The following WNK1 variants were observed in gnomAD, a reference collection of about 807,000 sequenced individuals.
WNK1 encodes serine/threonine-protein kinase WNK1.
In WNK1, 38 loss-of-function variants were observed where a neutral mutation model predicts 222.8. The observed-to-expected ratio is 0.17, with a 90% CI of 0.13 to 0.22. The LOEUF (loss-of-function observed/expected upper bound fraction) is 0.22, where lower values mean the gene tolerates loss of function less well. WNK1 is among the 10% of genes least tolerant of loss of function. The pLI is 1.00. For missense variants in WNK1, 2,348 were observed against 2,918.4 expected (o/e 0.80, Z 4.50); for synonymous variants, 1,090 against 1,092.9 (o/e 1.00, Z 0.05).
chr12:815,576 C>T (rs899666110), intron 2 of WNK1, among the ~76,000 whole-genome samples: 2 of 152,190 alleles, frequency 1.3e-5, no homozygotes, highest in Non-Finnish European at 2.9e-5. Context: ...CTAACTAGCA[C>T]TATATACCTA....
chr12:908,287 C>T lies in WNK1; in HGVS notation c.6832-188C>T, dbSNP rs368128250. 62 of 758,696 alleles carry T rather than the reference C, an allele frequency of 8.2e-5. 1 individual carries two copies. Among genetic ancestry groups the T allele is most frequent in the Middle Eastern group, 6.8e-4 (2 of 2,948 alleles). 47.0% of individuals were successfully genotyped at this position (758,696 alleles called of 1,614,324 possible). ...TCAACTACACACACACAGACACACA[C>T]GCACATGACATCCCTCCCTCTCATG... is the stretch of plus-strand genomic sequence containing the variant. On this transcript the variant is annotated intron_variant, in intron 27 of 27. Coordinates refer to ENST00000315939, the MANE Select transcript of WNK1 (RefSeq NM_018979.4).
intron 1 of WNK1, among the ~76,000 whole-genome samples, chr12:783,524 A>G (rs1045770053): frequency 7.0e-6 from 1 of 143,748 alleles, no homozygotes; most frequent in African/African-American, 2.6e-5. Flanking sequence ...ATCCAGGCAC[A>G]GTGGCATGTG....
rs1236623490 is a variant in WNK1 at position 900,817 on chromosome 12, A to C, written c.6643+147A>C. 4 of 994,524 alleles carry C rather than the reference A, an allele frequency of 4.0e-6. No homozygotes were observed. The African/African-American group carries it at 6.4e-5, about 16-fold the overall frequency. 61.6% of individuals were successfully genotyped at this position (994,524 alleles called of 1,614,324 possible). A position where few individuals can be genotyped will look rare whatever the true frequency, so the allele number is the denominator to read the frequency against. The stretch of plus-strand genomic sequence containing the variant: ...ACTGAAGAATCTGGGTGAAAAGGGA[A>C]GTGGAGTGATAATGAGAATCGGTGG... On this transcript the variant is annotated intron_variant, in intron 26 of 27. Coordinates refer to ENST00000315939, the MANE Select transcript of WNK1 (RefSeq NM_018979.4).
In WNK1 at chr12:827,279, C is replaced by G; in HGVS notation, c.1153+17C>G. 1 of 1,602,112 alleles carries G rather than the reference C, an allele frequency of 6.2e-7. No homozygotes were observed. Among genetic ancestry groups the G allele is most frequent in the Non-Finnish European group, 8.6e-7 (1 of 1,169,178 alleles). ...GTGTGATAGGTATGTTTCAGGTGTA[C>G]CTTGGAGCCTGACTGGCTTTCTCAC... On this transcript the variant is annotated intron_variant, in intron 3 of 27. Transcript: ENST00000315939. This position sits in a 1 kb window ranked among gnomAD's most constrained non-coding sequence, Gnocchi z 4.6.
intron 4 of WNK1, among the ~76,000 whole-genome samples, chr12:849,660 G>A (rs1363809754): frequency 6.6e-6 from 1 of 152,014 alleles, no homozygotes; most frequent in Non-Finnish European, 1.5e-5. Context: ...TTGGTGTGCT[G>A]CACCCATTAA....
At chr12:835,586 T>A (rs1949117318) in intron 4 of WNK1, among the ~76,000 whole-genome samples, 1 of 152,110 alleles carries the variant, frequency 6.6e-6, no homozygotes, top group South Asian at 2.1e-4. Context: ...ATTGGGGATA[T>A]ACCAAGTCAA....
In WNK1 at chr12:896,350, G is replaced by A; in HGVS notation, c.5863G>A (p.Val1955Met). Residue 1955 changes from valine (V) to methionine (M), a missense_variant, in exon 24 of 28, where the codon GTG (valine) becomes ATG (methionine). Around this residue, in one of 13 missense-constraint regions of WNK1, gnomAD observed 1,144 missense variants for 1,273.6 expected, o/e 0.90. Coordinates refer to ENST00000315939, the MANE Select transcript of WNK1 (RefSeq NM_018979.4). ...TCAGGTGACAACTACAGCAAACAAA[G>A]TGGGTCGTTTCTCTGTATCAAAAAC... ...RFQVTTTANK[V>M]GRFSVSKTED... 6.2e-7 allele frequency: 1 copy of A among 1,614,180 alleles called. No individual in the cohort carries two copies. Among genetic ancestry groups the A allele is most frequent in the Non-Finnish European group, 8.5e-7 (1 of 1,180,030 alleles).
chr12:896,401 A>C lies in WNK1; in HGVS notation c.5914A>C (p.Lys1972Gln), dbSNP rs1592227149. The change falls in exon 24 of 28, where the codon AAA becomes CAA. Residue 1972 changes from lysine (K) to glutamine (Q), a missense_variant. Physicochemically the swap from Lys to Gln is moderately conservative, Grantham distance 53. Coordinates refer to ENST00000315939, the MANE Select transcript of WNK1 (RefSeq NM_018979.4). ...TGAGGACAAGATCACTGACACAAAG[A>C]AAGAAGGACCAGTGGCATCTCCTCC... Reference protein sequence around the residue: ...KTEDKITDTKKEGPVASPPFM... With the variant: ...KTEDKITDTKQEGPVASPPFM... 1 of 1,614,200 alleles carries C rather than the reference A, an allele frequency of 6.2e-7. No individual in the cohort carries two copies. Among genetic ancestry groups the C allele is most frequent in the Non-Finnish European group, 8.5e-7 (1 of 1,180,040 alleles).
At chr12:908,169 T>A in intron 27 of WNK1, 135 bp downstream of exon 27, 1 of 1,158,424 alleles carries the variant, frequency 8.6e-7, no homozygotes, top group East Asian at 2.6e-5. Context: ...AAGGCAAAAA[T>A]CCCCCAGGTA....
Position 868,300 on chromosome 12 carries a change from G to C in WNK1, c.2140-2965G>C, listed in dbSNP as rs754731225. 7.5e-6 allele frequency: 12 copies of C among 1,609,114 alleles called. No homozygotes were observed. In the East Asian group the frequency reaches 2.7e-4, roughly 36 times the overall value. On this transcript the variant is annotated intron_variant, in intron 8 of 27. Coordinates refer to ENST00000315939, the MANE Select transcript of WNK1 (RefSeq NM_018979.4). ...TGTATGTAGCTGGGGTACATTACCA[G>C]GCCCGGGTGGCAGAACAGTATGAGG... is the stretch of plus-strand genomic sequence containing the variant.
intron 4 of WNK1, among the ~76,000 whole-genome samples, chr12:848,869 A>G (rs544718787): frequency 1.1e-4 from 16 of 152,144 alleles, no homozygotes; most frequent in Non-Finnish European, 1.8e-4. Flanking sequence ...TAGAATCTAG[A>G]TATTTGTGCC....
intron 9 of WNK1, among the ~76,000 whole-genome samples, chr12:873,693 A>G (rs1467034594): frequency 6.6e-6 from 1 of 152,116 alleles, no homozygotes; most frequent in East Asian, 1.9e-4. Context: ...TGTTTTAATT[A>G]TTGGAGTTCC....
At chr12:892,977 G>A (rs779548792) in intron 22 of WNK1, among the ~76,000 whole-genome samples, 23 of 152,160 alleles carry the variant, frequency 1.5e-4, no homozygotes, top group Admixed American at 5.9e-4. Flanking sequence ...ATTCTGGGCC[G>A]GGCATGGTGG....
chr12:799,006 TG>T (rs1250579330), intron 1 of WNK1, among the ~76,000 whole-genome samples: 2 of 152,124 alleles, frequency 1.3e-5, no homozygotes, highest in East Asian at 3.8e-4. Flanking sequence ...TTCTCTTTTT[TG>T]GGGGGGCATA....
rs768043372 is a variant in WNK1, at chr12:885,282, C to T, written c.4478C>T (p.Ser1493Phe). The change falls in exon 19 of 28, where the codon TCT becomes TTT. Residue 1493 changes from serine to phenylalanine, a missense_variant. Coordinates refer to ENST00000315939, the MANE Select transcript of WNK1 (RefSeq NM_018979.4). ...GTGGGAGCCACATTAACATCAGTTT[C>T]TACCACCACTTCATTCCCAAGCACA... ...TTVGATLTSV[S>F]TTTSFPSTAS... 2 of 1,614,216 alleles carry T rather than the reference C, an allele frequency of 1.2e-6. No homozygotes were observed. The highest frequency in any genetic ancestry group is 2.2e-5 in the South Asian group (2 of 91,074).
intron 7 of WNK1, 134 bp downstream of exon 7, chr12:861,477 C>T (rs1951213580): frequency 7.6e-6 from 6 of 785,510 alleles, no homozygotes; most frequent in East Asian, 2.7e-5. Flanking sequence ...AAATGGTTGT[C>T]GTCTAGCTTC....
rs1271441635 is a variant in WNK1, at chr12:754,286, A to G, written c.721A>G (p.Thr241Ala). ...TAAGACGGTCTACAAAGGTCTGGAC[A>G]CTGAAACCACCGTGGAAGTCGCCTG... ...SFKTVYKGLD[T>A]ETTVEVAWCE... The change falls in exon 1 of 28, where the codon ACT becomes GCT. Residue 241 changes from threonine (T) to alanine (A), a missense_variant. Around this residue, in one of 13 missense-constraint regions of WNK1, gnomAD observed 57 missense variants for 219.0 expected, o/e 0.26. Transcript: ENST00000315939. The G allele has an allele frequency of 1.9e-6, 3 of 1,613,466 alleles. No homozygotes were observed. The highest frequency in any genetic ancestry group is 1.7e-6 in the Non-Finnish European group (2 of 1,180,046).
rs762688214 is a variant in WNK1 at position 897,701 on chromosome 12, G to T, written c.6448+20G>T. On this transcript the variant is annotated intron_variant, in intron 25 of 27. Transcript: ENST00000315939. Reference sequence around the variant, plus strand: ...TTTCAGGTAAAAAGCCCTGGACTAGGTCAGCCACAGCTGTCCTATCTTTTG... The same window carrying T: ...TTTCAGGTAAAAAGCCCTGGACTAGTTCAGCCACAGCTGTCCTATCTTTTG... 2 of 1,611,476 alleles carry T rather than the reference G, an allele frequency of 1.2e-6. No individual in the cohort carries two copies. Among genetic ancestry groups the T allele is most frequent in the South Asian group, 2.2e-5 (2 of 90,960 alleles).
intron 2 of WNK1, among the ~76,000 whole-genome samples, chr12:815,292 A>G (rs1947255282): frequency 6.6e-6 from 1 of 152,182 alleles, no homozygotes; most frequent in Admixed American, 6.5e-5. Flanking sequence ...ATATTTTTAA[A>G]TTATCACTGT....
Sources: gnomAD v4.1 joint callset for allele counts (sites outside exome capture counted in the v4.1 genomes callset) on GRCh38, gnomAD v4.1.1 for gene constraint, gnomAD v4.1.1 regional missense constraint, Gnocchi (gnomAD v3.1) non-coding constraint, MANE v1.5 for transcripts, NCBI Gene and HGNC (gene_info 2026-07-23, HGNC 2026-07-21) for gene names.